The following DHX30 variants were observed in gnomAD, a reference collection of about 807,000 sequenced individuals.
DHX30 encodes ATP-dependent RNA helicase DHX30.
DHX30 carries 4 observed loss-of-function variants against 116.9 expected under a neutral mutation model. The ratio of observed to expected loss-of-function variants is 0.03; its 90% CI spans 0.02 to 0.08. DHX30 has a LOEUF of 0.08. Ranked by LOEUF, DHX30 falls within the 10% of genes least tolerant of loss-of-function variation. DHX30 has a pLI of 1.00. For synonymous variants in DHX30, 697 were observed against 651.7 expected (o/e 1.07, Z -1.06); for missense variants, 871 against 1,595.1 (o/e 0.55, Z 7.73).
chr3:47,845,056 C>A lies in DHX30; in HGVS notation c.940-644C>A, dbSNP rs373405354. Reference sequence around the variant, plus strand: ...TCTGAGGGTACATGTTGGGAATTCACAGAGGTGACAGTGGCCTATTGTGGT... The same window carrying A: ...TCTGAGGGTACATGTTGGGAATTCAAAGAGGTGACAGTGGCCTATTGTGGT... On this transcript the variant is annotated intron_variant, in intron 9 of 21. Transcript: ENST00000445061. Among the ~76,000 whole-genome samples, 383 of 152,192 alleles carry A rather than the reference C, an allele frequency of 2.5e-3. 2 individuals carry two copies. Among genetic ancestry groups the A allele is most frequent in the African/African-American group, 8.2e-3 (341 of 41,538 alleles).
Position 47,847,616 on chromosome 3 carries a change from C to T in DHX30, c.2110+80C>T. On this transcript the variant is annotated intron_variant, in intron 13 of 21. Coordinates refer to ENST00000445061, the MANE Select transcript of DHX30 (RefSeq NM_138615.3). The surrounding 1 kb of genome is among the most constrained non-coding windows in gnomAD (Gnocchi z 5.5). Reference sequence around the variant, plus strand: ...CCTAGGGACTGACCCAACTGGGACTCCAGGGGCCCCGGTTTCTGACCAAGC... The same window carrying T: ...CCTAGGGACTGACCCAACTGGGACTTCAGGGGCCCCGGTTTCTGACCAAGC... The T allele has an allele frequency of 6.8e-7, 1 of 1,467,168 alleles. No homozygotes were observed. Among genetic ancestry groups the T allele is most frequent in the Non-Finnish European group, 9.1e-7 (1 of 1,095,064 alleles). 90.9% of individuals were successfully genotyped at this position (1,467,168 alleles called of 1,614,324 possible).
chr3:47,845,946 C>T, intron 10 of DHX30, 94 bp downstream of exon 10: 1 of 1,505,806 alleles, frequency 6.6e-7, no homozygotes, highest in African/African-American at 1.4e-5. Context: ...GGCAGTAGTA[C>T]CTCCCCATTC....
chr3:47,810,294 GATAACTAGGAAGGAAACCTGCAAGTATT>G (rs1313844804), intron 2 of DHX30, among the ~76,000 whole-genome samples: 4 of 152,114 alleles, frequency 2.6e-5, no homozygotes, highest in Admixed American at 6.6e-5. Context: ...CAAGTATTAT[GATAACTAGGAAGGAAACCTGCAAGTATT>G]ATGATGAACT....
At chr3:47,830,396 C>T (rs551286475) in intron 6 of DHX30, among the ~76,000 whole-genome samples, 6 of 151,318 alleles carry the variant, frequency 4.0e-5, no homozygotes, top group East Asian at 2.0e-4. Context: ...TGCAGTGAGT[C>T]GAGATCACAC....
intron 2 of DHX30, among the ~76,000 whole-genome samples, 200 bp downstream of exon 2, chr3:47,805,620 C>A (rs988327167): frequency 6.6e-6 from 1 of 152,132 alleles, no homozygotes; most frequent in Non-Finnish European, 1.5e-5. Flanking sequence ...CTTGCTGCAA[C>A]CTCTGCCTCC....
chr3:47,814,429 C>CAAAAAA (rs71625837), intron 3 of DHX30, among the ~76,000 whole-genome samples: 111 of 92,530 alleles, frequency 1.2e-3, no homozygotes, highest in African/African-American at 1.7e-3. Flanking sequence ...TGTCTCAAAA[C>CAAAAAA]AAAAAAAAAA....
At position 47,841,053 on chromosome 3, in the gene DHX30, A is replaced by C; in HGVS notation, c.543A>C (p.Leu181=). 1 of 1,614,184 alleles carries C rather than the reference A, an allele frequency of 6.2e-7. No homozygotes were observed. Among genetic ancestry groups the C allele is most frequent in the Non-Finnish European group, 8.5e-7 (1 of 1,180,040 alleles). The part of the protein sequence containing the change: ...ESIRPGGPGG[L]SRSLGREEEE... The stretch of plus-strand genomic sequence containing the variant: ...TTCGACCAGGGGGACCTGGGGGCCT[A>C]TCCCGCTCTTTAGGCCGGGAAGAAG... The change falls in exon 7 of 22, where the codon CTA becomes CTC. Residue 181 remains leucine (L), a synonymous_variant. Transcript: ENST00000445061.
intron 4 of DHX30, among the ~76,000 whole-genome samples, chr3:47,825,577 G>T (rs547612639): frequency 1.3e-5 from 2 of 152,346 alleles, no homozygotes; most frequent in African/African-American, 2.4e-5. Flanking sequence ...GCCCTCACCA[G>T]TGTGAGAAAT....
chr3:47,847,170 A>C lies in DHX30; in HGVS notation c.1930-103A>C, dbSNP rs1207605120. 18 of 1,513,018 alleles carry C rather than the reference A, an allele frequency of 1.2e-5. No homozygotes were observed. Among genetic ancestry groups the C allele is most frequent in the Non-Finnish European group, 1.6e-5 (17 of 1,092,480 alleles). 93.7% of individuals were successfully genotyped at this position (1,513,018 alleles called of 1,614,324 possible). On this transcript the variant is annotated intron_variant, in intron 11 of 21. Coordinates refer to ENST00000445061, the MANE Select transcript of DHX30 (RefSeq NM_138615.3). This position sits in a 1 kb window ranked among gnomAD's most constrained non-coding sequence, Gnocchi z 5.5. ...CCTGCGTGGCACACGTGAGGATTGG[A>C]GTTGATGTCAAGCGGCTCCGTCTCA... is the stretch of plus-strand genomic sequence containing the variant.
chr3:47,809,494 T>A (rs1201693143), intron 2 of DHX30, among the ~76,000 whole-genome samples: 10 of 151,754 alleles, frequency 6.6e-5, no homozygotes, highest in African/African-American at 9.7e-5. Flanking sequence ...TCCGCCCACC[T>A]CGGCCTCCCA....
At position 47,848,596 on chromosome 3, in the gene DHX30, G is replaced by A. The variant is rs1576522321; in HGVS notation, c.2576-28G>A. On this transcript the variant is annotated intron_variant, in intron 16 of 21. Coordinates refer to ENST00000445061, the MANE Select transcript of DHX30 (RefSeq NM_138615.3). The surrounding 1 kb of genome is among the most constrained non-coding windows in gnomAD (Gnocchi z 9.4). ...GCTGGGCTGGGGAGTGGCTCTCGAG[G>A]GTGGTACTGACAGCTGAGCCGTTGC... is the stretch of plus-strand genomic sequence containing the variant. 2 of 1,614,078 alleles carry A rather than the reference G, an allele frequency of 1.2e-6. No homozygotes were observed. Among genetic ancestry groups the A allele is most frequent in the South Asian group, 2.2e-5 (2 of 91,088 alleles).
chr3:47,808,195 C>T (rs1334423534), intron 2 of DHX30, among the ~76,000 whole-genome samples: 7 of 151,942 alleles, frequency 4.6e-5, no homozygotes, highest in Admixed American at 3.3e-4. Flanking sequence ...CAGGCATGAG[C>T]CACTGCACCC....
At chr3:47,841,313 G>A (rs1354557739) in intron 7 of DHX30, 135 bp downstream of exon 7, 3 of 1,339,568 alleles carry the variant, frequency 2.2e-6, no homozygotes, top group African/African-American at 3.0e-5. Context: ...CCATCACTCA[G>A]TGTGTGTCTG....
rs1221821576 is a variant in DHX30 at position 47,850,119 on chromosome 3, G to A, written c.3584G>A (p.Ter1195=). 6.3e-7 allele frequency: 1 copy of A among 1,585,576 alleles called. No homozygotes were observed. The highest frequency in any genetic ancestry group is 2.3e-5 in the East Asian group (1 of 44,172). ...GATGTGCGCAAGACAGCTGACGACT[G>A]AGCCCTGCTTCTGCTGGGGCTGTGT... is the stretch of plus-strand genomic sequence containing the variant. ...SFDVRKTADD[*] The change falls in exon 22 of 22, where the codon TGA becomes TAA. Residue 1195 remains the stop codon, a stop_retained_variant. Transcript: ENST00000445061.
At chr3:47,814,415 ACT>A (rs1480593205) in intron 3 of DHX30, among the ~76,000 whole-genome samples, 3 of 131,760 alleles carry the variant, frequency 2.3e-5, no homozygotes, top group Admixed American at 1.7e-4. Flanking sequence ...ACAGAGCGAG[ACT>A]CTGTCTCAAA....
intron 9 of DHX30, among the ~76,000 whole-genome samples, chr3:47,844,472 G>A (rs2037510717): frequency 3.9e-5 from 6 of 152,258 alleles, no homozygotes; most frequent in Admixed American, 3.9e-4. Context: ...AGTGAGGCTG[G>A]TGGGTAAAAC....
At chr3:47,818,256 G>A (rs187951563) in intron 4 of DHX30, 139 bp downstream of exon 4, 8 of 647,586 alleles carry the variant, frequency 1.2e-5, no homozygotes, top group Middle Eastern at 2.7e-4. Flanking sequence ...AGCTATTGGA[G>A]CCCTGAGGGA....
chr3:47,814,532 T>G (rs1437417605), intron 3 of DHX30, among the ~76,000 whole-genome samples: 2 of 151,864 alleles, frequency 1.3e-5, no homozygotes, highest in Admixed American at 6.6e-5. Flanking sequence ...ACAAAAAGAT[T>G]GTTTGAGCCA....
chr3:47,822,512 T>C (rs2036342316), intron 4 of DHX30, among the ~76,000 whole-genome samples: 1 of 152,070 alleles, frequency 6.6e-6, no homozygotes, highest in African/African-American at 2.4e-5. Flanking sequence ...CCCAGCCGGG[T>C]GTGTTAACTC....
Sources: allele counts gnomAD v4.1 joint callset (sites outside exome capture counted in the v4.1 genomes callset), GRCh38; gene constraint gnomAD v4.1.1; non-coding constraint Gnocchi (gnomAD v3.1); transcripts MANE v1.5; gene names NCBI Gene and HGNC (gene_info 2026-07-23, HGNC 2026-07-21).